Variants in PDZD2 observed in about 807,000 individuals in gnomAD.
PDZD2 encodes the protein PDZ domain-containing protein 2.
A neutral mutation model predicts 220.7 loss-of-function variants in PDZD2; 90 were observed. The ratio of observed to expected loss-of-function variants is 0.41; its 90% CI spans 0.34 to 0.49. The LOEUF is 0.49. PDZD2 is among the 20% of genes least tolerant of loss of function. The pLI, the probability that PDZD2 is intolerant of heterozygous loss-of-function variation, is 0.28. For missense variants in PDZD2, 3,174 were observed against 3,608.5 expected, an observed-to-expected ratio of 0.88 and a Z score of 3.08; for synonymous variants, 1,375 against 1,450.5, an observed-to-expected ratio of 0.95 and a Z score of 1.18.
In PDZD2 at chr5:31,857,053, G is replaced by T. The variant is rs534618565; in HGVS notation, c.476+57329G>T. ...TCTAGAGGCGTGGTCTTGTTATGTTGCCCTGGCTGGTCTCAAACTCTTGGG... is the reference window on the plus strand; with the variant it reads ...TCTAGAGGCGTGGTCTTGTTATGTTTCCCTGGCTGGTCTCAAACTCTTGGG... On this transcript the variant is annotated intron_variant, in intron 2 of 24. Coordinates refer to ENST00000438447, the MANE Select transcript of PDZD2 (RefSeq NM_178140.4). Among the ~76,000 whole-genome samples the T allele has an allele frequency of 3.3e-5, 5 of 151,920 alleles. No homozygotes were observed. In the South Asian group the frequency reaches 1.0e-3, roughly 32 times the overall value.
At chr5:31,723,272 C>T (rs1013761814) in intron 1 of PDZD2, among the ~76,000 whole-genome samples, 3 of 152,042 alleles carry the variant, frequency 2.0e-5, no homozygotes, top group Non-Finnish European at 2.9e-5. Context: ...AGAATCATTT[C>T]TCCATGATAA....
chr5:31,953,648 C>T (rs1028963130), intron 2 of PDZD2, among the ~76,000 whole-genome samples: 47 of 71,796 alleles, frequency 6.5e-4, no homozygotes, highest in Admixed American at 1.9e-3. Flanking sequence ...GACCCTGTCT[C>T]TTAAAAAAAA....
intron 14 of PDZD2, among the ~76,000 whole-genome samples, chr5:32,065,297 T>G (rs1008946242): frequency 6.6e-6 from 1 of 152,140 alleles, no homozygotes; most frequent in African/African-American, 2.4e-5. Flanking sequence ...AGACTTTGTC[T>G]CAAAAAACAA....
chr5:31,988,441 T>G (rs1467268926), intron 3 of PDZD2, among the ~76,000 whole-genome samples: 16 of 146,482 alleles, frequency 1.1e-4, no homozygotes, highest in South Asian at 2.2e-4. Context: ...GAGATGGGGG[T>G]GGGGGGGGTG....
At position 32,109,508 on chromosome 5, in the gene PDZD2, G is replaced by GTACC. The variant is rs1224700712; in HGVS notation, c.*1375_*1378dup. 6.6e-6 allele frequency: 1 copy of GTACC among 152,054 alleles called. No homozygotes were observed. Among genetic ancestry groups the GTACC allele is most frequent in the African/African-American group, 2.4e-5 (1 of 41,402 alleles). The allele number at this position is 152,054 out of a possible 1,614,324, so 9.4% of individuals were successfully genotyped here. On this transcript the variant is annotated 3_prime_UTR_variant, in exon 25 of 25. Transcript: ENST00000438447. ...TAGCTGGCTTTTCTCTCCTCATGAT[G>GTACC]TACCTTATTTTCTTAGGTAAATAAT... is the stretch of plus-strand genomic sequence containing the variant.
chr5:31,682,903 G>A (rs1298621401), intron 1 of PDZD2, among the ~76,000 whole-genome samples: 4 of 151,884 alleles, frequency 2.6e-5, no homozygotes, highest in African/African-American at 9.7e-5. Flanking sequence ...CCCTTCTCCC[G>A]ATCATGGGGA....
At chr5:31,711,814 C>G (rs1748123932) in intron 1 of PDZD2, among the ~76,000 whole-genome samples, 1 of 152,216 alleles carries the variant, frequency 6.6e-6, no homozygotes, top group Non-Finnish European at 1.5e-5. Context: ...GCAGGCTTGT[C>G]TTTGTAAATC....
intron 5 of PDZD2, among the ~76,000 whole-genome samples, chr5:32,006,130 G>A (rs372498591): frequency 1.7e-4 from 25 of 147,810 alleles, no homozygotes; most frequent in African/African-American, 6.2e-4. Flanking sequence ...CTGGGTGACA[G>A]AGTGAGACTC....
chr5:31,859,456 ATGTC>A (rs1488296379), intron 2 of PDZD2, among the ~76,000 whole-genome samples: 1 of 152,156 alleles, frequency 6.6e-6, no homozygotes, highest in Non-Finnish European at 1.5e-5. Context: ...TTCAGTTTTT[ATGTC>A]TGTCATCATA....
At chr5:31,771,033 C>T (rs1752312019) in intron 1 of PDZD2, among the ~76,000 whole-genome samples, 1 of 152,136 alleles carries the variant, frequency 6.6e-6, no homozygotes, top group South Asian at 2.1e-4. Context: ...TACCGTGATG[C>T]AATTTATGAA....
chr5:32,071,602 T>C (rs569597355), intron 16 of PDZD2, among the ~76,000 whole-genome samples, 184 bp downstream of exon 16: 1 of 152,318 alleles, frequency 6.6e-6, no homozygotes, highest in Admixed American at 6.5e-5. Flanking sequence ...TTTCTTTTGC[T>C]AAACACTTAT....
intron 3 of PDZD2, among the ~76,000 whole-genome samples, chr5:31,994,632 C>T (rs1195764846): frequency 6.6e-6 from 1 of 152,040 alleles, no homozygotes; most frequent in South Asian, 2.1e-4. Flanking sequence ...ATTACAGGCA[C>T]TTGCCATGAT....
intron 1 of PDZD2, among the ~76,000 whole-genome samples, chr5:31,721,894 T>C (rs972645159): frequency 6.6e-6 from 1 of 152,136 alleles, no homozygotes; most frequent in Non-Finnish European, 1.5e-5. Flanking sequence ...TAAATCTGTT[T>C]CTCCTCTGGA....
chr5:32,018,925 A>G, intron 6 of PDZD2, among the ~76,000 whole-genome samples: 1 of 152,246 alleles, frequency 6.6e-6, no homozygotes, highest in South Asian at 2.1e-4. Context: ...TTTTATATTT[A>G]AGAAGATGAA....
At position 31,711,084 on chromosome 5, in the gene PDZD2, A is replaced by G. The variant is rs571150815; in HGVS notation, c.-361+71647A>G. On this transcript the variant is annotated intron_variant, in intron 1 of 24. Coordinates refer to ENST00000438447, the MANE Select transcript of PDZD2 (RefSeq NM_178140.4). ...GCCGAGTCTCTCTGGGATGCCTCCA[A>G]GCCTTAGCATTCAAGCTGGGGTCAG... Among the ~76,000 whole-genome samples, 3 of 152,330 alleles carry G rather than the reference A, an allele frequency of 2.0e-5. No homozygotes were observed. The South Asian group carries it at 6.2e-4, about 32-fold the overall frequency.
At chr5:32,078,641 A>G (rs1166551637) in intron 19 of PDZD2, among the ~76,000 whole-genome samples, 1 of 149,834 alleles carries the variant, frequency 6.7e-6, no homozygotes. Context: ...CAAAAATTAA[A>G]AAAAAAAAAA....
At chr5:31,778,594 T>A (rs561064038) in intron 1 of PDZD2, among the ~76,000 whole-genome samples, 2 of 152,036 alleles carry the variant, frequency 1.3e-5, no homozygotes, top group East Asian at 1.9e-4. Context: ...AGCGAGACCA[T>A]GAACCCACCA....
chr5:31,827,929 G>T (rs1379576195), intron 2 of PDZD2, among the ~76,000 whole-genome samples: 1 of 152,066 alleles, frequency 6.6e-6, no homozygotes, highest in Non-Finnish European at 1.5e-5. Context: ...CCTACTTTCT[G>T]TTCCTATAGA....
chr5:31,983,009 G>T, intron 2 of PDZD2, 146 bp from the exon 3 acceptor site: 1 of 690,574 alleles, frequency 1.4e-6, no homozygotes, highest in African/African-American at 1.8e-5. Context: ...AGAATGAATT[G>T]GGTGTTGAAT....
Sources: gnomAD v4.1 joint callset for allele counts (sites outside exome capture counted in the v4.1 genomes callset) on GRCh38, gnomAD v4.1.1 for gene constraint, MANE v1.5 for transcripts, NCBI Gene and HGNC (gene_info 2026-07-23, HGNC 2026-07-21) for gene names.